The following NTAQ1 variants were observed in gnomAD, a reference collection of about 807,000 sequenced individuals.
NTAQ1 encodes protein N-terminal glutamine amidohydrolase.
In NTAQ1, 21 loss-of-function variants were observed where a neutral mutation model predicts 28.2. The observed-to-expected ratio is 0.74, with a 90% CI of 0.53 to 1.07. The LOEUF is 1.07. Among genes scored for constraint, NTAQ1 ranks in the 50% least tolerant of loss-of-function variants. The pLI, the probability that NTAQ1 is intolerant of heterozygous loss-of-function variation, is 0.00. For missense variants in NTAQ1, 264 were observed against 256.6 expected, an observed-to-expected ratio of 1.03 and a Z score of -0.20; for synonymous variants, 105 against 90.0, an observed-to-expected ratio of 1.17 and a Z score of -0.94.
rs543309813 is a variant in NTAQ1, at chr8:123,418,343, C to T, written c.83+1411C>T. ...GCGTGCACCTGTAATCCCAGCTACT[C>T]GGGAAGCTGAGGCAGGAAAATCGCT... On this transcript the variant is annotated intron_variant, in intron 1 of 5. Coordinates refer to ENST00000287387, the MANE Select transcript of NTAQ1 (RefSeq NM_018024.3). 7.9e-5 allele frequency among the ~76,000 whole-genome samples: 12 copies of T among 151,258 alleles called. No homozygotes were observed. The South Asian group carries it at 1.9e-3, about 24-fold the overall frequency.
At chr8:123,440,518 T>TA (rs2130326502) in intron 5 of NTAQ1, among the ~76,000 whole-genome samples, 1 of 142,820 alleles carries the variant, frequency 7.0e-6, no homozygotes, top group South Asian at 2.2e-4. Flanking sequence ...TTTTTTTTTT[T>TA]AGACAAAGCC....
chr8:123,474,059 A>G (rs1004852878), downstream of NTAQ1, among the ~76,000 whole-genome samples: 1 of 152,218 alleles, frequency 6.6e-6, no homozygotes, highest in Non-Finnish European at 1.5e-5. Flanking sequence ...AATAGTACAG[A>G]CAATTCCCAT....
intron 6 of NTAQ1, among the ~76,000 whole-genome samples, chr8:123,466,381 G>T (rs970243086): frequency 2.0e-5 from 3 of 152,200 alleles, no homozygotes; most frequent in African/African-American, 7.2e-5. Context: ...GGATTATGGC[G>T]CATGGTGCAA....
intron 6 of NTAQ1, among the ~76,000 whole-genome samples, chr8:123,464,980 G>A (rs1386035661): frequency 1.3e-5 from 2 of 152,194 alleles, no homozygotes; most frequent in Non-Finnish European, 2.9e-5. Flanking sequence ...GGAGGTTGCA[G>A]TGAGCCCAGA....
At chr8:123,424,967 T>C (rs569158023) in intron 1 of NTAQ1, among the ~76,000 whole-genome samples, 166 of 152,268 alleles carry the variant, frequency 1.1e-3, no homozygotes, top group African/African-American at 3.9e-3. Context: ...TGCGGTAAAC[T>C]CCCGAAAAAC....
intron 1 of NTAQ1, among the ~76,000 whole-genome samples, chr8:123,419,751 C>T (rs117623552): frequency 1.1e-3 from 69 of 63,314 alleles, no homozygotes; most frequent in East Asian, 2.8e-3. Flanking sequence ...TCCCTCCCTC[C>T]CTCCCTTCCT....
intron 1 of NTAQ1, among the ~76,000 whole-genome samples, chr8:123,419,773 TTCCC>T (rs141691234): frequency 1.7e-4 from 16 of 94,178 alleles, no homozygotes; most frequent in East Asian, 4.4e-4. Flanking sequence ...CCTTCCTTTC[TTCCC>T]TCCCTCCCTC....
chr8:123,460,998 G>A (rs3824252), intron 6 of NTAQ1, among the ~76,000 whole-genome samples: 88,285 of 152,006 alleles, frequency 0.58, 25,643 homozygotes, highest in East Asian at 0.63. Flanking sequence ...GTATTCCTCC[G>A]TACAGTGTTT....
At chr8:123,432,052 C>T (rs1419315231) in intron 3 of NTAQ1, among the ~76,000 whole-genome samples, 1 of 152,180 alleles carries the variant, frequency 6.6e-6, no homozygotes, top group Non-Finnish European at 1.5e-5. Flanking sequence ...AGTCTCCCCA[C>T]ACCCTCTGGC....
At chr8:123,436,638 A>T in intron 4 of NTAQ1, 37 bp downstream of exon 4, 1 of 1,591,012 alleles carries the variant, frequency 6.3e-7, no homozygotes, top group Admixed American at 1.8e-5. Context: ...TATTTTCTGA[A>T]GTAAGAATTT....
At chr8:123,459,713 C>G (rs1036081517) in intron 6 of NTAQ1, among the ~76,000 whole-genome samples, 1 of 152,032 alleles carries the variant, frequency 6.6e-6, no homozygotes, top group Admixed American at 6.6e-5. Context: ...ACAAAAGTTT[C>G]TCCTAGAACC....
At position 123,427,945 on chromosome 8, in the gene NTAQ1, C is replaced by G; in HGVS notation, c.105C>G (p.Leu35=). The G allele has an allele frequency of 2.5e-6, 4 of 1,608,282 alleles. No individual in the cohort carries two copies. Among genetic ancestry groups the G allele is most frequent in the Non-Finnish European group, 3.4e-6 (4 of 1,177,568 alleles). ...TCAGTGAAGAAAATATTTGGAAGCT[C>G]TGTGAATACATCAAAAACCATGACC... ...SCYCEENIWK[L]CEYIKNHDQY... The change falls in exon 2 of 6, where the codon CTC becomes CTG. Residue 35 remains leucine, a synonymous_variant. Transcript: ENST00000287387.
At chr8:123,464,735 A>G (rs1339745567) in intron 6 of NTAQ1, among the ~76,000 whole-genome samples, 1 of 152,044 alleles carries the variant, frequency 6.6e-6, no homozygotes, top group Non-Finnish European at 1.5e-5. Flanking sequence ...GAGATGAGAG[A>G]GTGTTTCCTG....
intron 6 of NTAQ1, among the ~76,000 whole-genome samples, chr8:123,463,710 G>T (rs1815893566): frequency 6.6e-6 from 1 of 152,224 alleles, no homozygotes; most frequent in Non-Finnish European, 1.5e-5. Context: ...AGTGTTTGGG[G>T]CTCAGCAGCT....
At chr8:123,424,247 A>ATT (rs36112265) in intron 1 of NTAQ1, among the ~76,000 whole-genome samples, 22 of 140,626 alleles carry the variant, frequency 1.6e-4, no homozygotes, top group African/African-American at 5.0e-4. Flanking sequence ...TAATTTTTGT[A>ATT]TTTTTTTTTT....
downstream of NTAQ1, among the ~76,000 whole-genome samples, chr8:123,445,772 A>G (rs923014260): frequency 4.0e-5 from 6 of 150,378 alleles, no homozygotes; most frequent in African/African-American, 1.5e-4. Context: ...CACTTGGCTA[A>G]TTTTTGTATT....
intron 5 of NTAQ1, 69 bp from the exon 6 acceptor site, chr8:123,441,237 C>A: frequency 8.3e-7 from 1 of 1,208,488 alleles, no homozygotes; most frequent in South Asian, 1.3e-5. Flanking sequence ...TGGTCTTCTG[C>A]ATTGTTTTAT....
At chr8:123,463,225 A>T (rs944043085) in intron 6 of NTAQ1, among the ~76,000 whole-genome samples, 1 of 152,212 alleles carries the variant, frequency 6.6e-6, no homozygotes, top group Non-Finnish European at 1.5e-5. Context: ...CTGCTTTATG[A>T]TGATATTATT....
chr8:123,450,075 T>TA (rs1194003841), downstream of NTAQ1, among the ~76,000 whole-genome samples: 1 of 148,180 alleles, frequency 6.7e-6, no homozygotes, highest in East Asian at 2.0e-4. Context: ...TACAGGCCTC[T>TA]ATGATATCAT....
Sources: allele counts gnomAD v4.1 joint callset (sites outside exome capture counted in the v4.1 genomes callset), GRCh38; gene constraint gnomAD v4.1.1; transcripts MANE v1.5; gene names NCBI Gene and HGNC (gene_info 2026-07-23, HGNC 2026-07-21).